HBS1L: variants seen among roughly 807,000 people sequenced by gnomAD.
HBS1L encodes the protein HBS1-like protein.
HBS1L carries 55 observed loss-of-function variants against 88.9 expected under a neutral mutation model. That is an observed-to-expected ratio of 0.62 (90% CI 0.50 to 0.77). The LOEUF (loss-of-function observed/expected upper bound fraction) is 0.77, where lower values mean the gene tolerates loss of function less well. HBS1L is among the 30% of genes least tolerant of loss of function. The pLI is 0.00. For missense variants in HBS1L, 741 were observed against 829.3 expected (o/e 0.89, Z 1.31); for synonymous variants, 267 against 288.5 (o/e 0.93, Z 0.76).
Position 134,970,799 on chromosome 6 carries a change from A to C in HBS1L, c.1798-1461T>G, listed in dbSNP as rs147244543. Reference sequence around the variant, plus strand: ...TGAAGCTAAGGTTTGGATACACCCTAATCCAAACCAGAACAAAGTTAGACT... The same window carrying C: ...TGAAGCTAAGGTTTGGATACACCCTCATCCAAACCAGAACAAAGTTAGACT... On this transcript the variant is annotated intron_variant, in intron 15 of 17. Coordinates refer to ENST00000367837, the MANE Select transcript of HBS1L (RefSeq NM_006620.4). Among the ~76,000 whole-genome samples the C allele has an allele frequency of 5.5e-3, 835 of 152,316 alleles. 8 individuals are homozygous for C. Among genetic ancestry groups the C allele is most frequent in the African/African-American group, 0.017 (702 of 41,568 alleles).
intron 4 of HBS1L, among the ~76,000 whole-genome samples, chr6:135,012,301 A>G (rs1775798906): frequency 1.3e-5 from 2 of 152,228 alleles, no homozygotes; most frequent in Admixed American, 6.5e-5. Context: ...TAATATAGCA[A>G]TGGTCCTATA....
intron 12 of HBS1L, among the ~76,000 whole-genome samples, chr6:134,983,919 C>T (rs1454284698): frequency 6.6e-6 from 1 of 152,042 alleles, no homozygotes; most frequent in Non-Finnish European, 1.5e-5. Flanking sequence ...GTCACAGAAA[C>T]CAAGGGAGGA....
chr6:134,984,773 G>A (rs934497864), intron 12 of HBS1L, among the ~76,000 whole-genome samples: 7 of 151,862 alleles, frequency 4.6e-5, no homozygotes, highest in South Asian at 2.1e-4. Context: ...CCTCTTCTAC[G>A]TTGGTCCTTC....
rs148829425 is a variant in HBS1L at position 135,003,164 on chromosome 6, C to T, written c.431-322G>A. On this transcript the variant is annotated intron_variant, in intron 4 of 17. Transcript: ENST00000367837. Reference sequence around the variant, plus strand: ...ACTGAGCCTTGTTCTGACATTATACCTAGACCCTATACCTCCCTTTCCTAC... The same window carrying T: ...ACTGAGCCTTGTTCTGACATTATACTTAGACCCTATACCTCCCTTTCCTAC... 3.5e-3 allele frequency among the ~76,000 whole-genome samples: 530 copies of T among 152,224 alleles called. 7 individuals carry two copies. Among genetic ancestry groups the T allele is most frequent in the African/African-American group, 0.012 (508 of 41,532 alleles).
At chr6:135,041,575 C>G (rs954861327) in intron 3 of HBS1L, among the ~76,000 whole-genome samples, 3 of 152,120 alleles carry the variant, frequency 2.0e-5, no homozygotes, top group African/African-American at 7.2e-5. Flanking sequence ...GACACTTATA[C>G]AGTGTCACTT....
intron 4 of HBS1L, among the ~76,000 whole-genome samples, chr6:135,005,016 T>C (rs1775571724): frequency 6.6e-6 from 1 of 152,160 alleles, no homozygotes; most frequent in Non-Finnish European, 1.5e-5. Context: ...CCAATGAAGC[T>C]AAGGGAAGAC....
intron 16 of HBS1L, among the ~76,000 whole-genome samples, chr6:134,968,056 C>T (rs1021011438): frequency 2.0e-5 from 3 of 152,076 alleles, no homozygotes; most frequent in Non-Finnish European, 2.9e-5. Flanking sequence ...TTCTCTTCTA[C>T]TTGCAGTCAG....
At chr6:135,053,204 C>T (rs1479829647) in intron 1 of HBS1L, among the ~76,000 whole-genome samples, 1 of 152,186 alleles carries the variant, frequency 6.6e-6, no homozygotes, top group African/African-American at 2.4e-5. Flanking sequence ...CTTAAATTCC[C>T]CCCAATCCAT....
At chr6:135,025,197 A>G (rs1327288821) in intron 4 of HBS1L, among the ~76,000 whole-genome samples, 1 of 152,238 alleles carries the variant, frequency 6.6e-6, no homozygotes, top group Admixed American at 6.5e-5. Flanking sequence ...AGAAAACTGT[A>G]CTTTCAAAAA....
At chr6:135,030,582 G>A (rs9376083) in intron 4 of HBS1L, among the ~76,000 whole-genome samples, 21,314 of 152,076 alleles carry the variant, frequency 0.14, 1,707 homozygotes, top group East Asian at 0.27. Context: ...TATTCTGGCC[G>A]AAATAAACTG....
At chr6:135,037,257 C>A in intron 4 of HBS1L, 1 of 1,551,940 alleles carries the variant, frequency 6.4e-7, no homozygotes, top group Non-Finnish European at 8.7e-7. Flanking sequence ...TGGCAGATGA[C>A]TGGTTACAAA....
chr6:135,021,206 C>T (rs1161708605), intron 4 of HBS1L, among the ~76,000 whole-genome samples: 2 of 151,956 alleles, frequency 1.3e-5, no homozygotes, highest in East Asian at 3.9e-4. Context: ...GAATTTAGTA[C>T]ATTTGGTGTA....
chr6:134,990,067 T>C (rs1357030274), intron 8 of HBS1L, among the ~76,000 whole-genome samples: 1 of 152,188 alleles, frequency 6.6e-6, no homozygotes, highest in East Asian at 1.9e-4. Flanking sequence ...TAGGTTTTCA[T>C]AATAACTGTA....
At chr6:134,979,478 G>A (rs1774756783) in intron 13 of HBS1L, 1 of 475,604 alleles carries the variant, frequency 2.1e-6, no homozygotes, top group Admixed American at 3.5e-5. Context: ...TAAACATAAA[G>A]TGACTTGTAT....
intron 5 of HBS1L, 30 bp from the exon 6 acceptor site, chr6:134,997,686 T>C (rs1454536964): frequency 3.1e-6 from 5 of 1,601,992 alleles, no homozygotes; most frequent in Non-Finnish European, 4.3e-6. Context: ...AAAAAGTATT[T>C]GAAACCAACT....
chr6:134,978,624 A>G, intron 15 of HBS1L, 55 bp downstream of exon 15: 1 of 971,142 alleles, frequency 1.0e-6, no homozygotes, highest in South Asian at 1.6e-5. Flanking sequence ...CACTTTTAGG[A>G]TAAAGTTACT....
At chr6:134,980,714 G>C (rs142587422) in intron 13 of HBS1L, among the ~76,000 whole-genome samples, 4 of 151,414 alleles carry the variant, frequency 2.6e-5, no homozygotes, top group African/African-American at 9.7e-5. Flanking sequence ...TACAAAAAGA[G>C]GCTCTTTTTT....
At chr6:134,991,701 A>C (rs1315476509) in intron 8 of HBS1L, among the ~76,000 whole-genome samples, 1 of 152,224 alleles carries the variant, frequency 6.6e-6, no homozygotes, top group Non-Finnish European at 1.5e-5. Flanking sequence ...AAATAGTATC[A>C]AAAAATTCTT....
At chr6:135,038,494 T>C (rs1776627902) in intron 4 of HBS1L, among the ~76,000 whole-genome samples, 1 of 152,200 alleles carries the variant, frequency 6.6e-6, no homozygotes, top group South Asian at 2.1e-4. Flanking sequence ...AGATGACATA[T>C]TACAGACTCA....
Sources: allele counts gnomAD v4.1 joint callset (sites outside exome capture counted in the v4.1 genomes callset), GRCh38; gene constraint gnomAD v4.1.1; transcripts MANE v1.5; gene names NCBI Gene and HGNC (gene_info 2026-07-23, HGNC 2026-07-21).